The following ARNT2 variants were observed in gnomAD, a reference collection of about 807,000 sequenced individuals.
ARNT2 encodes the protein aryl hydrocarbon receptor nuclear translocator 2, also known as ARNT protein 2.
In ARNT2, 36 loss-of-function variants were observed where a neutral mutation model predicts 91.7. The ratio of observed to expected loss-of-function variants is 0.39; its 90% CI spans 0.30 to 0.52. The LOEUF (loss-of-function observed/expected upper bound fraction) is 0.52. Ranked by LOEUF, ARNT2 falls within the 20% of genes least tolerant of loss-of-function variation. ARNT2 has a pLI of 0.72. For missense variants in ARNT2, 775 were observed against 939.3 expected (o/e 0.83, Z 2.29); for synonymous variants, 365 against 347.1 (o/e 1.05, Z -0.57).
In ARNT2 at chr15:80,594,254, G is replaced by C. The variant is rs1195251137; in HGVS notation, c.*556G>C. 1 of 154,376 alleles carries C rather than the reference G, an allele frequency of 6.5e-6. No homozygotes were observed. Among genetic ancestry groups the C allele is most frequent in the Non-Finnish European group, 1.4e-5 (1 of 69,546 alleles). 9.6% of individuals were successfully genotyped at this position (154,376 alleles called of 1,614,324 possible). On this transcript the variant is annotated 3_prime_UTR_variant, in exon 19 of 19. Coordinates refer to ENST00000303329, the MANE Select transcript of ARNT2 (RefSeq NM_014862.4). ...CCGCTGGTCTGTCTGTGCATCCACT[G>C]TGCCGTGGGACATATGTAATTTGTG...
At chr15:80,509,469 A>G (rs28375186) in intron 6 of ARNT2, among the ~76,000 whole-genome samples, 3,471 of 152,020 alleles carry the variant, frequency 0.023, 129 homozygotes, top group African/African-American at 0.078. Context: ...AATAATAATA[A>G]TAATAATAAT....
intron 17 of ARNT2, among the ~76,000 whole-genome samples, chr15:80,587,932 A>G (rs1410747931): frequency 6.6e-6 from 1 of 152,230 alleles, no homozygotes; most frequent in Non-Finnish European, 1.5e-5. Flanking sequence ...AAGGATCTTC[A>G]TGCCAACATC....
At position 80,560,552 on chromosome 15, in the gene ARNT2, G is replaced by T. The variant is rs144783451; in HGVS notation, c.1165-2536G>T. Among the ~76,000 whole-genome samples the T allele has an allele frequency of 1.7e-3, 259 of 152,216 alleles. 2 individuals are homozygous for T. The highest frequency in any genetic ancestry group is 2.6e-3 in the Non-Finnish European group (174 of 68,018). ...AGGTCGTGCCTTCTGTGTGCTAGTT[G>T]CATGGAGCTAACAAATTTCACACTG... On this transcript the variant is annotated intron_variant, in intron 11 of 18. Transcript: ENST00000303329.
chr15:80,533,373 C>T (rs903376364), intron 8 of ARNT2, among the ~76,000 whole-genome samples: 1 of 152,106 alleles, frequency 6.6e-6, no homozygotes, highest in Non-Finnish European at 1.5e-5. Context: ...ACTGGAGAGG[C>T]CACTGTGATG....
intron 8 of ARNT2, among the ~76,000 whole-genome samples, chr15:80,527,789 C>A (rs1469201035): frequency 6.6e-6 from 1 of 152,178 alleles, no homozygotes; most frequent in Admixed American, 6.5e-5. Context: ...CCATAATTTT[C>A]TGCTTTCTCA....
At chr15:80,416,326 G>A (rs769374757) in intron 1 of ARNT2, among the ~76,000 whole-genome samples, 7 of 151,318 alleles carry the variant, frequency 4.6e-5, no homozygotes, top group Non-Finnish European at 7.4e-5. Flanking sequence ...CTCTCTCACT[G>A]TGCCACTTGA....
intron 1 of ARNT2, among the ~76,000 whole-genome samples, chr15:80,412,430 A>G (rs1175849456): frequency 6.6e-6 from 1 of 152,232 alleles, no homozygotes; most frequent in African/African-American, 2.4e-5. Context: ...CAAAAACACT[A>G]AGATAATTCT....
At chr15:80,442,923 A>G (rs1896216628) in intron 1 of ARNT2, 1 of 985,276 alleles carries the variant, frequency 1.0e-6, no homozygotes, top group Non-Finnish European at 1.2e-6. Context: ...CAGTGACATC[A>G]TCTCTTTCCT....
intron 3 of ARNT2, among the ~76,000 whole-genome samples, chr15:80,463,436 A>G (rs78736407): frequency 1.6e-4 from 25 of 152,280 alleles, no homozygotes; most frequent in African/African-American, 6.0e-4. Flanking sequence ...AGAATTTGGT[A>G]CAGTGTTGCT....
chr15:80,420,635 G>A (rs1024211830), intron 1 of ARNT2, among the ~76,000 whole-genome samples: 1 of 151,460 alleles, frequency 6.6e-6, no homozygotes, highest in African/African-American at 2.4e-5. Context: ...ATATATTATG[G>A]ACATATAAAA....
chr15:80,484,826 A>G (rs1896943303), intron 5 of ARNT2, among the ~76,000 whole-genome samples: 1 of 152,120 alleles, frequency 6.6e-6, no homozygotes, highest in Non-Finnish European at 1.5e-5. Flanking sequence ...GGGGCGGTGC[A>G]TAGGGGTGTA....
At chr15:80,584,270 G>A (rs930738230) in intron 17 of ARNT2, among the ~76,000 whole-genome samples, 3 of 152,212 alleles carry the variant, frequency 2.0e-5, no homozygotes, top group African/African-American at 4.8e-5. Flanking sequence ...CACATCAGAG[G>A]TGTAGAGGGG....
At chr15:80,479,375 A>T (rs1257008576) in intron 5 of ARNT2, among the ~76,000 whole-genome samples, 1 of 152,230 alleles carries the variant, frequency 6.6e-6, no homozygotes, top group Non-Finnish European at 1.5e-5. Flanking sequence ...TCATGGAGTG[A>T]TGTGACTTGT....
At chr15:80,569,099 G>A (rs569787567) in intron 12 of ARNT2, among the ~76,000 whole-genome samples, 137 of 152,300 alleles carry the variant, frequency 9.0e-4, no homozygotes, top group African/African-American at 3.1e-3. Flanking sequence ...ATCCCCAGAC[G>A]CCTCCCAGTG....
intron 3 of ARNT2, among the ~76,000 whole-genome samples, chr15:80,464,652 G>C (rs928338535): frequency 1.2e-4 from 19 of 152,182 alleles, no homozygotes; most frequent in Non-Finnish European, 4.4e-5. Flanking sequence ...CAGAAGCTGG[G>C]AAAACTGCCT....
chr15:80,557,726 C>G (rs566754470), intron 11 of ARNT2, among the ~76,000 whole-genome samples: 59 of 152,144 alleles, frequency 3.9e-4, no homozygotes, highest in Non-Finnish European at 7.4e-4. Context: ...GCCCTTCCCT[C>G]AATCCCACTC....
At chr15:80,523,903 C>T (rs924675739) in intron 8 of ARNT2, among the ~76,000 whole-genome samples, 4 of 152,202 alleles carry the variant, frequency 2.6e-5, no homozygotes, top group East Asian at 3.9e-4. Flanking sequence ...GAAACTTTGC[C>T]GCATGAGAAA....
intron 8 of ARNT2, among the ~76,000 whole-genome samples, chr15:80,538,336 A>G (rs1279670861): frequency 6.6e-6 from 1 of 152,252 alleles, no homozygotes; most frequent in Non-Finnish European, 1.5e-5. Flanking sequence ...TCAAATTTTA[A>G]CATTTTAATA....
At chr15:80,431,591 C>A (rs192301180) in intron 1 of ARNT2, among the ~76,000 whole-genome samples, 2 of 152,180 alleles carry the variant, frequency 1.3e-5, no homozygotes, top group African/African-American at 2.4e-5. Context: ...TAGTCTGAAG[C>A]GGCTGGAATA....
Sources: allele counts gnomAD v4.1 joint callset (sites outside exome capture counted in the v4.1 genomes callset), GRCh38; gene constraint gnomAD v4.1.1; transcripts MANE v1.5; gene names NCBI Gene and HGNC (gene_info 2026-07-23, HGNC 2026-07-21).